Variants in TECTA observed in about 807,000 individuals in gnomAD.
TECTA encodes the protein alpha-tectorin.
Under a neutral mutation model 216.8 loss-of-function variants are expected in TECTA, and 128 were observed. The ratio of observed to expected loss-of-function variants is 0.59; its 90% CI spans 0.51 to 0.68. The LOEUF is 0.68. Among genes scored for constraint, TECTA ranks in the 30% least tolerant of loss-of-function variants. TECTA has a pLI of 0.00. For synonymous variants in TECTA, 1,089 were observed against 1,117.1 expected (o/e 0.97, Z 0.50); for missense variants, 2,551 against 2,786.2 (o/e 0.92, Z 1.90).
intron 3 of TECTA, among the ~76,000 whole-genome samples, chr11:121,107,260 T>C (rs1946399222): frequency 1.3e-5 from 2 of 152,244 alleles, no homozygotes; most frequent in African/African-American, 4.8e-5. Flanking sequence ...GTTTTTCTTC[T>C]CTATTGCACT....
intron 10 of TECTA, among the ~76,000 whole-genome samples, chr11:121,135,639 C>A (rs1232972635): frequency 8.5e-5 from 13 of 152,188 alleles, no homozygotes; most frequent in Non-Finnish European, 1.9e-4. Context: ...ACTGTTGTAT[C>A]GGTACTTGTG....
rs774459676 is a variant in TECTA, at chr11:121,189,777, T to G, written c.6264T>G (p.Cys2088Trp). 1 of 1,613,896 alleles carries G rather than the reference T, an allele frequency of 6.2e-7. No homozygotes were observed. The highest frequency in any genetic ancestry group is 8.5e-7 in the Non-Finnish European group (1 of 1,179,940). Residue 2088 changes from cysteine (C) to tryptophan (W), a missense_variant, in exon 23 of 24, where the codon TGT becomes TGG. By Grantham distance (215) the Cys-to-Trp change is radical (BLOSUM62 -2). Around this residue, in one of 3 missense-constraint regions of TECTA, gnomAD observed 118 missense variants for 116.4 expected, o/e 1.01. Transcript: ENST00000392793. ...GCTCTTTTGTAGGGCTGGACTGGTG[T>G]GAGGACAATGGAGGGTGTGAGCAGA... ...GPIRRKRLDW[C>W]EDNGGCEQIC... is the part of the protein sequence containing the mutation.
chr11:121,188,027 C>G lies in TECTA; in HGVS notation c.6162+33C>G, dbSNP rs375048904. On this transcript the variant is annotated intron_variant, in intron 21 of 23. Coordinates refer to ENST00000392793, the MANE Select transcript of TECTA (RefSeq NM_005422.4). ...AGAGTGTGAAAACAAAGTGCTTAGC[C>G]TTATTTCTCACTGTCTTGGTTTCCC... The G allele has an allele frequency of 2.5e-6, 4 of 1,612,924 alleles. No individual in the cohort carries two copies. In the African/African-American group the frequency reaches 5.3e-5, roughly 22 times the overall value.
chr11:121,137,657 T>C lies in TECTA; in HGVS notation c.3178T>C (p.Phe1060Leu). The C allele has an allele frequency of 3.7e-6, 6 of 1,614,062 alleles. No individual in the cohort carries two copies. The highest frequency in any genetic ancestry group is 4.2e-6 in the Non-Finnish European group (5 of 1,180,004). The change falls in exon 11 of 24, where the codon TTC becomes CTC. Residue 1060 changes from phenylalanine (F) to leucine (L), a missense_variant. By Grantham distance (22) the Phe-to-Leu change is conservative. This residue lies in a region of TECTA where 2,375 missense variants were observed against 2,563.9 expected (regional missense o/e 0.93). Coordinates refer to ENST00000392793, the MANE Select transcript of TECTA (RefSeq NM_005422.4). ...TFWVDLDCQI[F>L]CYCSGTDNRV... is the part of the protein sequence containing the mutation. ...CTGGGTGGACCTGGACTGCCAGATC[T>C]TCTGCTATTGCAGTGGCACAGACAA...
At chr11:121,182,282 G>C (rs1947237811) in intron 20 of TECTA, among the ~76,000 whole-genome samples, 1 of 152,082 alleles carries the variant, frequency 6.6e-6, no homozygotes, top group Non-Finnish European at 1.5e-5. Flanking sequence ...GGCAGTAGCA[G>C]CAGTGGGCCA....
In TECTA at chr11:121,102,721, A is replaced by G. The variant is rs35507522; in HGVS notation, c.56A>G (p.Gln19Arg). ...IWVSFIFALV[Q>R]HQAQPRELMY... ...GTCTCTTTCATCTTCGCACTTGTAC[A>G]GCACCAAGGTGAGTACTACAGAATT... The change falls in exon 2 of 24, where the codon CAG (glutamine) becomes CGG (arginine). Residue 19 changes from glutamine to arginine, a missense_variant. Coordinates refer to ENST00000392793, the MANE Select transcript of TECTA (RefSeq NM_005422.4). The G allele has an allele frequency of 0.015, 23,863 of 1,613,160 alleles. 624 individuals are homozygous for G. Among genetic ancestry groups the G allele is most frequent in the African/African-American group, 0.11 (8,430 of 74,946 alleles).
In TECTA at chr11:121,125,802, C is replaced by T; in HGVS notation, c.1704C>T (p.Ile568=). The change falls in exon 8 of 24, where the codon ATC becomes ATT. Residue 568 remains isoleucine, a synonymous_variant. Coordinates refer to ENST00000392793, the MANE Select transcript of TECTA (RefSeq NM_005422.4). ...ATGGCACGCTCCTCTGCCAAGCCATCCAGGCCTATGCTCTTGTGTGCCAAG... is the reference window on the plus strand; with the variant it reads ...ATGGCACGCTCCTCTGCCAAGCCATTCAGGCCTATGCTCTTGTGTGCCAAG... ...RDNGTLLCQA[I]QAYALVCQAL... 6.2e-7 allele frequency: 1 copy of T among 1,614,022 alleles called. No individual in the cohort carries two copies. Among genetic ancestry groups the T allele is most frequent in the Non-Finnish European group, 8.5e-7 (1 of 1,180,048 alleles).
intron 13 of TECTA, among the ~76,000 whole-genome samples, chr11:121,154,755 A>T (rs1946924924): frequency 6.6e-6 from 1 of 152,228 alleles, no homozygotes; most frequent in South Asian, 2.1e-4. Flanking sequence ...CCAACACAGT[A>T]GGGCTGTTGC....
At chr11:121,178,977 T>G (rs1033775653) in intron 20 of TECTA, among the ~76,000 whole-genome samples, 1 of 152,162 alleles carries the variant, frequency 6.6e-6, no homozygotes, top group Non-Finnish European at 1.5e-5. Flanking sequence ...TTTTCTCTCT[T>G]TTTTCCCCTT....
At position 121,165,365 on chromosome 11, in the gene TECTA, C is replaced by A. The variant is rs1565535268; in HGVS notation, c.5365C>A (p.Pro1789Thr). ...CAGGGAGCTGTGTGGCTGCATCGAGCCACCCCCCTATGGAAATAGTGAGTG... is the reference window on the plus strand; with the variant it reads ...CAGGGAGCTGTGTGGCTGCATCGAGACACCCCCCTATGGAAATAGTGAGTG... ...NGRELCGCIE[P>T]PPYGNNSHDI... Residue 1789 changes from proline (P) to threonine (T), a missense_variant, in exon 17 of 24, where the codon CCA becomes ACA. This residue lies in a region of TECTA where 2,375 missense variants were observed against 2,563.9 expected (regional missense o/e 0.93). Transcript: ENST00000392793. The A allele has an allele frequency of 8.8e-6, 14 of 1,594,586 alleles. No homozygotes were observed. Among genetic ancestry groups the A allele is most frequent in the Non-Finnish European group, 1.2e-5 (14 of 1,170,254 alleles).
chr11:121,101,699 C>T (rs1221396177), intron 1 of TECTA, among the ~76,000 whole-genome samples: 2 of 152,104 alleles, frequency 1.3e-5, no homozygotes, highest in Non-Finnish European at 1.5e-5. Flanking sequence ...TTGCCTTTCC[C>T]GTGAAAGTTT....
chr11:121,160,123 C>G lies in TECTA; in HGVS notation c.4690-12C>G. 1 of 1,614,108 alleles carries G rather than the reference C, an allele frequency of 6.2e-7. No individual in the cohort carries two copies. The highest frequency in any genetic ancestry group is 1.1e-5 in the South Asian group (1 of 91,082). Reference sequence around the variant, plus strand: ...CTAAGCGTAATTATTTTCTTTTTTCCTCCTCCAATAGGTGAATGGCACACA... The same window carrying G: ...CTAAGCGTAATTATTTTCTTTTTTCGTCCTCCAATAGGTGAATGGCACACA... On this transcript the variant is annotated splice_polypyrimidine_tract_variant and intron_variant, in intron 14 of 23. Transcript: ENST00000392793.
chr11:121,179,808 A>G (rs755135344), intron 20 of TECTA, among the ~76,000 whole-genome samples: 1 of 152,082 alleles, frequency 6.6e-6, no homozygotes, highest in Non-Finnish European at 1.5e-5. Context: ...TTTGACTTAA[A>G]GTCTGTTATA....
chr11:121,181,086 A>T (rs927542274), intron 20 of TECTA, among the ~76,000 whole-genome samples: 1 of 151,818 alleles, frequency 6.6e-6, no homozygotes, highest in Non-Finnish European at 1.5e-5. Context: ...AATCACTTGA[A>T]CTCAGGAGGC....
rs201375747 is a variant in TECTA at position 121,160,377 on chromosome 11, C to A, written c.4932C>A (p.Ser1644Arg). 4.3e-6 allele frequency: 7 copies of A among 1,613,204 alleles called. No homozygotes were observed. The highest frequency in any genetic ancestry group is 2.5e-6 in the Non-Finnish European group (3 of 1,179,962). Residue 1644 changes from serine to arginine, a missense_variant, in exon 15 of 24, where the codon AGC (serine) becomes AGA (arginine). This residue lies in a region of TECTA where 2,375 missense variants were observed against 2,563.9 expected (regional missense o/e 0.93). Transcript: ENST00000392793. ...VTLRGKPVVS[S>R]VVLAQSWKTN... ...TGCGAGGGAAGCCGGTGGTAAGCAGCGTGGTGCTGGCCCAGAGCTGGAAAA... is the reference window on the plus strand; with the variant it reads ...TGCGAGGGAAGCCGGTGGTAAGCAGAGTGGTGCTGGCCCAGAGCTGGAAAA...
rs367723805 is a variant in TECTA at position 121,137,372 on chromosome 11, C to T, written c.2942-49C>T. On this transcript the variant is annotated intron_variant, in intron 10 of 23. Coordinates refer to ENST00000392793, the MANE Select transcript of TECTA (RefSeq NM_005422.4). ...CATGCATGCACGCACACTTCTGTCT[C>T]TGACTTTTGTCCTTTTCTCAAACCC... The T allele has an allele frequency of 4.3e-6, 7 of 1,613,212 alleles. No homozygotes were observed. In the African/African-American group the frequency reaches 8.0e-5, roughly 18 times the overall value.
At chr11:121,178,333 T>C (rs922383084) in intron 20 of TECTA, among the ~76,000 whole-genome samples, 3 of 152,204 alleles carry the variant, frequency 2.0e-5, no homozygotes, top group Non-Finnish European at 4.4e-5. Context: ...TCCCAACCGT[T>C]CTATTGTTCA....
At chr11:121,102,821 G>T (rs983400762) in intron 2 of TECTA, 92 bp downstream of exon 2, 5 of 1,062,484 alleles carry the variant, frequency 4.7e-6, no homozygotes, top group Non-Finnish European at 7.3e-6. Context: ...TGTAAGGGCA[G>T]GTGCATGTGT....
intron 11 of TECTA, chr11:121,141,002 G>A (rs1461429457): frequency 6.6e-6 from 1 of 152,140 alleles, no homozygotes; most frequent in Non-Finnish European, 1.5e-5. Context: ...GAGCATCAAG[G>A]AGAAATGGAT....
Sources: allele counts gnomAD v4.1 joint callset (sites outside exome capture counted in the v4.1 genomes callset), GRCh38; gene constraint gnomAD v4.1.1; regional missense constraint gnomAD v4.1.1; transcripts MANE v1.5; gene names NCBI Gene and HGNC (gene_info 2026-07-23, HGNC 2026-07-21).